The following NWD2 variants were observed in gnomAD, a reference collection of about 807,000 sequenced individuals.
NWD2 encodes NACHT and WD repeat domain-containing protein 2.
NWD2 carries 37 observed loss-of-function variants against 132.7 expected under a neutral mutation model. The ratio of observed to expected loss-of-function variants is 0.28; its 90% CI spans 0.21 to 0.37. NWD2 has a LOEUF of 0.37. Among genes scored for constraint, NWD2 ranks in the 10% least tolerant of loss-of-function variants. NWD2 has a pLI of 1.00. For missense variants in NWD2, 1,592 were observed against 2,122.4 expected (o/e 0.75, Z 4.91); for synonymous variants, 705 against 803.0 (o/e 0.88, Z 2.06).
At chr4:37,277,133 TAA>T (rs58582054) in intron 1 of NWD2, among the ~76,000 whole-genome samples, 66 of 146,288 alleles carry the variant, frequency 4.5e-4, no homozygotes, top group South Asian at 8.9e-4. Flanking sequence ...AAAGTATAAT[TAA>T]AAAAAAAAAA....
At chr4:37,402,568 A>G (rs1039574652) in intron 3 of NWD2, among the ~76,000 whole-genome samples, 8 of 152,206 alleles carry the variant, frequency 5.3e-5, no homozygotes, top group African/African-American at 1.9e-4. Context: ...TTTAAATGCA[A>G]TGTACTTCCC....
At chr4:37,287,737 G>A (rs1187833385) in intron 1 of NWD2, among the ~76,000 whole-genome samples, 5 of 152,204 alleles carry the variant, frequency 3.3e-5, no homozygotes, top group African/African-American at 1.2e-4. Flanking sequence ...AATCTGGGCA[G>A]CCCAGACAAG....
intron 3 of NWD2, among the ~76,000 whole-genome samples, chr4:37,399,304 C>T: frequency 6.6e-6 from 1 of 152,140 alleles, no homozygotes; most frequent in Non-Finnish European, 1.5e-5. Context: ...CCTCTCTGGC[C>T]ATCTTCTGGC....
chr4:37,348,280 A>AT (rs1339575298), intron 2 of NWD2, among the ~76,000 whole-genome samples: 1 of 152,180 alleles, frequency 6.6e-6, no homozygotes, highest in Non-Finnish European at 1.5e-5. Context: ...AACATTCAAC[A>AT]TTTAACAAGT....
chr4:37,428,852 C>T (rs971907172), intron 3 of NWD2, among the ~76,000 whole-genome samples: 4 of 152,234 alleles, frequency 2.6e-5, no homozygotes, highest in Non-Finnish European at 5.9e-5. Context: ...CTGCCTCAGC[C>T]TCCCCAGTAC....
chr4:37,311,278 C>A (rs1477619124), intron 1 of NWD2, among the ~76,000 whole-genome samples: 1 of 152,164 alleles, frequency 6.6e-6, no homozygotes, highest in Non-Finnish European at 1.5e-5. Context: ...TATTTCTCTA[C>A]ATCCTCTCCA....
intron 3 of NWD2, among the ~76,000 whole-genome samples, chr4:37,386,070 G>C (rs1158420539): frequency 1.3e-5 from 2 of 152,158 alleles, no homozygotes; most frequent in Non-Finnish European, 2.9e-5. Flanking sequence ...TCATGTGAGG[G>C]CTCAAGAGGC....
intron 1 of NWD2, 99 bp from the exon 2 acceptor site, chr4:37,325,837 T>C (rs1375708277): frequency 5.9e-6 from 4 of 673,066 alleles, no homozygotes; most frequent in African/African-American, 1.8e-5. Flanking sequence ...CTCAACTTGA[T>C]TGTATTACTG....
chr4:37,344,357 T>C (rs769445491), intron 2 of NWD2, among the ~76,000 whole-genome samples: 1 of 152,038 alleles, frequency 6.6e-6, no homozygotes, highest in East Asian at 1.9e-4. Context: ...TTTTTCATCA[T>C]TTTTTTCCCA....
chr4:37,318,907 CT>C (rs992666797), intron 1 of NWD2, among the ~76,000 whole-genome samples: 10 of 152,022 alleles, frequency 6.6e-5, no homozygotes, highest in African/African-American at 2.4e-4. Context: ...GATTCCATGT[CT>C]TTGCTATTGT....
chr4:37,416,338 A>C (rs1430154988), intron 3 of NWD2, among the ~76,000 whole-genome samples: 1 of 151,940 alleles, frequency 6.6e-6, no homozygotes, highest in African/African-American at 2.4e-5. Flanking sequence ...ATATTTATAT[A>C]CCTTTATATA....
intron 1 of NWD2, among the ~76,000 whole-genome samples, chr4:37,252,711 G>T (rs989655): frequency 0.5 from 75,479 of 151,982 alleles, 19,268 homozygotes; most frequent in East Asian, 0.62. Flanking sequence ...CTCCATGAGG[G>T]TATTCTCTCC....
chr4:37,386,156 G>T (rs546280567), intron 3 of NWD2, among the ~76,000 whole-genome samples: 1 of 152,008 alleles, frequency 6.6e-6, no homozygotes, highest in Non-Finnish European at 1.5e-5. Flanking sequence ...ACTGAGTTTT[G>T]TTATTTCTCT....
chr4:37,335,168 G>A (rs543297679), intron 2 of NWD2, among the ~76,000 whole-genome samples: 18 of 151,812 alleles, frequency 1.2e-4, no homozygotes, highest in African/African-American at 3.4e-4. Flanking sequence ...GCCTACTCTC[G>A]AGGTCTTATC....
At chr4:37,377,666 GGTTGCGGTGAGCCGAGATCACGCC>G (rs1720371977) in intron 3 of NWD2, among the ~76,000 whole-genome samples, 1 of 152,188 alleles carries the variant, frequency 6.6e-6, no homozygotes, top group African/African-American at 2.4e-5. Context: ...AGGAGGCGGA[GGTTGCGGTGAGCCGAGATCACGCC>G]GTTGCACTCC....
chr4:37,432,739 G>A (rs1366194254), intron 4 of NWD2, among the ~76,000 whole-genome samples: 3 of 152,032 alleles, frequency 2.0e-5, no homozygotes, highest in Admixed American at 6.6e-5. Context: ...GCATCTTATA[G>A]AGAGTGATGG....
At chr4:37,433,239 C>T (rs1351746237) in intron 4 of NWD2, among the ~76,000 whole-genome samples, 1 of 152,164 alleles carries the variant, frequency 6.6e-6, no homozygotes, top group East Asian at 1.9e-4. Context: ...CCTGATACCC[C>T]AAGAAACCAG....
chr4:37,373,469 A>G (rs1171905701), intron 3 of NWD2, among the ~76,000 whole-genome samples: 4 of 152,212 alleles, frequency 2.6e-5, no homozygotes, highest in Admixed American at 1.3e-4. Flanking sequence ...ATCACCATAA[A>G]CAAGGAATGT....
chr4:37,269,354 AT>A (rs1718207261), intron 1 of NWD2, among the ~76,000 whole-genome samples: 1 of 151,940 alleles, frequency 6.6e-6, no homozygotes, highest in African/African-American at 2.4e-5. Flanking sequence ...AAGTAAAAAA[AT>A]GGAAGCTTAG....
Sources: allele counts gnomAD v4.1 joint callset (sites outside exome capture counted in the v4.1 genomes callset), GRCh38; gene constraint gnomAD v4.1.1; transcripts MANE v1.5; gene names NCBI Gene and HGNC (gene_info 2026-07-23, HGNC 2026-07-21).